Variants in CCDC3 observed in about 807,000 individuals in gnomAD.
CCDC3 encodes coiled-coil domain containing 3.
Under a neutral mutation model 21.4 loss-of-function variants are expected in CCDC3, and 24 were observed. The ratio of observed to expected loss-of-function variants is 1.12; its 90% CI spans 0.81 to 1.58. The LOEUF is 1.58. Ranked by LOEUF, CCDC3 falls within the 40% of genes most tolerant of loss-of-function variation. CCDC3 has a pLI of 0.00. For missense variants in CCDC3, 425 were observed against 360.9 expected (o/e 1.18, Z -1.44); for synonymous variants, 186 against 166.0 (o/e 1.12, Z -0.93).
chr10:13,001,704 G>C lies in CCDC3; in HGVS notation c.-134C>G. ...GAGCGCACCGCTGTCTCCGCCACGG[G>C]GCTCGGCATGCCCGGCCCTGGCGCG... On this transcript the variant is annotated 5_prime_UTR_variant, in exon 1 of 3. Transcript: ENST00000378825. 1 of 528,418 alleles carries C rather than the reference G, an allele frequency of 1.9e-6. No individual in the cohort carries two copies. The highest frequency in any genetic ancestry group is 1.3e-4 in the East Asian group (1 of 7,806). The allele number at this position is 528,418 out of a possible 1,614,324, so 32.7% of individuals were successfully genotyped here.
intron 5 of CCDC3, among the ~76,000 whole-genome samples, chr10:13,043,024 G>C (rs931695602): frequency 6.6e-6 from 1 of 151,938 alleles, no homozygotes; most frequent in Non-Finnish European, 1.5e-5. Flanking sequence ...ATAACTTCTG[G>C]TAATTGCAAA....
intron 2 of CCDC3, chr10:12,924,624 A>C (rs1401522556): frequency 1.3e-5 from 2 of 152,150 alleles, no homozygotes; most frequent in African/African-American, 4.8e-5. Flanking sequence ...CAAAATCCCC[A>C]ACTTCTTACT....
intron 2 of CCDC3, among the ~76,000 whole-genome samples, chr10:12,935,840 A>C (rs764436406): frequency 4.6e-5 from 7 of 152,108 alleles, no homozygotes; most frequent in Non-Finnish European, 1.0e-4. Flanking sequence ...CAACCCAAGT[A>C]CACTTTCAAG....
chr10:13,069,320 A>G (rs1163685045), intron 4 of CCDC3, among the ~76,000 whole-genome samples: 1 of 152,226 alleles, frequency 6.6e-6, no homozygotes, highest in Non-Finnish European at 1.5e-5. Context: ...ACTACATTCA[A>G]ATGGTTATTA....
intron 2 of CCDC3, among the ~76,000 whole-genome samples, chr10:12,943,635 C>T (rs997429989): frequency 5.8e-5 from 8 of 137,684 alleles, no homozygotes; most frequent in African/African-American, 1.8e-4. Flanking sequence ...ATCTGCATAA[C>T]AACAGATTAG....
At chr10:13,017,978 T>G (rs1836091820) in intron 5 of CCDC3, among the ~76,000 whole-genome samples, 1 of 152,024 alleles carries the variant, frequency 6.6e-6, no homozygotes, top group Non-Finnish European at 1.5e-5. Flanking sequence ...GGGTCTCAGG[T>G]GGGTCCCTAA....
intron 3 of CCDC3, among the ~76,000 whole-genome samples, chr10:13,076,603 C>A (rs10752282): frequency 0.75 from 113,626 of 152,210 alleles, 42,730 homozygotes; most frequent in Middle Eastern, 0.83. Context: ...AAGCCCTATC[C>A]TATGTAGTTA....
chr10:12,937,827 TTCTCCAG>T (rs1252563680), intron 2 of CCDC3, among the ~76,000 whole-genome samples: 6 of 152,204 alleles, frequency 3.9e-5, no homozygotes, highest in African/African-American at 1.4e-4. Flanking sequence ...ACAAGAGTAC[TTCTCCAG>T]TGTCTGCCAT....
intron 3 of CCDC3, among the ~76,000 whole-genome samples, chr10:13,098,065 A>G (rs1387951817): frequency 6.6e-6 from 1 of 152,186 alleles, no homozygotes; most frequent in Non-Finnish European, 1.5e-5. Flanking sequence ...TCAAGGTCCT[A>G]CAGCTAAGAA....
chr10:13,080,938 G>A (rs1002134386), intron 3 of CCDC3, among the ~76,000 whole-genome samples: 1 of 152,248 alleles, frequency 6.6e-6, no homozygotes, highest in East Asian at 1.9e-4. Context: ...CAGGGGTGAT[G>A]AGGGCCACAG....
At chr10:12,932,696 A>T (rs1174273532) in intron 2 of CCDC3, among the ~76,000 whole-genome samples, 1 of 152,062 alleles carries the variant, frequency 6.6e-6, no homozygotes, top group African/African-American at 2.4e-5. Flanking sequence ...TTCCAATATG[A>T]TGTTGAAAAG....
intron 2 of CCDC3, among the ~76,000 whole-genome samples, chr10:12,939,383 C>T (rs1000199878): frequency 1.3e-5 from 2 of 152,216 alleles, no homozygotes; most frequent in Non-Finnish European, 2.9e-5. Context: ...GTAGTCCCGG[C>T]ACTTTGGGAA....
At chr10:13,013,967 A>G (rs993940589) in intron 5 of CCDC3, among the ~76,000 whole-genome samples, 81 of 152,014 alleles carry the variant, frequency 5.3e-4, no homozygotes, top group African/African-American at 1.9e-3. Flanking sequence ...CCTGGCCAAC[A>G]TGGCGAAACC....
chr10:12,994,989 G>C (rs140413888), intron 2 of CCDC3, among the ~76,000 whole-genome samples: 1 of 151,868 alleles, frequency 6.6e-6, no homozygotes, highest in African/African-American at 2.4e-5. Context: ...GCTGAGGCAG[G>C]AGAATCACTT....
rs550042775 is a variant in CCDC3 at position 12,944,806 on chromosome 10, G to A, written c.550-46127C>T. ...AGCAAGAAAAATAACTTAAGGTGACGGATACTTAATGTCTCATTGTCATGA... is the reference window on the plus strand; with the variant it reads ...AGCAAGAAAAATAACTTAAGGTGACAGATACTTAATGTCTCATTGTCATGA... On this transcript the variant is annotated intron_variant, in intron 2 of 2. Transcript: ENST00000378825. Among the ~76,000 whole-genome samples, 11 of 152,268 alleles carry A rather than the reference G, an allele frequency of 7.2e-5. No individual in the cohort carries two copies. The Middle Eastern group carries it at 0.01, about 141-fold the overall frequency.
At chr10:12,915,648 T>A (rs186840486) in intron 2 of CCDC3, among the ~76,000 whole-genome samples, 1 of 152,340 alleles carries the variant, frequency 6.6e-6, no homozygotes, top group East Asian at 1.9e-4. Context: ...TGTCCAGAGA[T>A]TCTGGGCAGG....
At chr10:13,074,898 TCAAA>T (rs1465743121) in intron 3 of CCDC3, among the ~76,000 whole-genome samples, 2 of 152,190 alleles carry the variant, frequency 1.3e-5, no homozygotes, top group Non-Finnish European at 2.9e-5. Flanking sequence ...AGAAAGGGTC[TCAAA>T]CAGACAATAT....
intron 5 of CCDC3, among the ~76,000 whole-genome samples, chr10:13,024,634 T>C (rs1836192087): frequency 6.6e-6 from 1 of 152,190 alleles, no homozygotes; most frequent in East Asian, 1.9e-4. Flanking sequence ...ATAGCTCCTT[T>C]TTAGTTCTTC....
At chr10:13,046,267 A>G (rs575605694) in intron 5 of CCDC3, among the ~76,000 whole-genome samples, 1 of 152,170 alleles carries the variant, frequency 6.6e-6, no homozygotes, top group Admixed American at 6.6e-5. Context: ...TTAGCTGGGC[A>G]TGATGACTCA....
Sources: allele counts gnomAD v4.1 joint callset (sites outside exome capture counted in the v4.1 genomes callset), GRCh38; gene constraint gnomAD v4.1.1; transcripts MANE v1.5; gene names NCBI Gene and HGNC (gene_info 2026-07-23, HGNC 2026-07-21).